Variants in INTS10 observed in about 807,000 individuals in gnomAD.
The protein encoded by INTS10 is integrator complex subunit 10.
Under a neutral mutation model 94.4 loss-of-function variants are expected in INTS10, and 44 were observed. That is an observed-to-expected ratio of 0.47 (90% CI 0.37 to 0.60). INTS10 has a LOEUF of 0.60. Among genes scored for constraint, INTS10 ranks in the 20% least tolerant of loss-of-function variants. The pLI, the probability that INTS10 is intolerant of heterozygous loss-of-function variation, is 0.00. For missense variants in INTS10, 797 were observed against 868.7 expected (o/e 0.92, Z 1.04); for synonymous variants, 341 against 320.7 (o/e 1.06, Z -0.68).
At position 19,817,501 on chromosome 8, in the gene INTS10, G is replaced by T. The variant is rs749248885; in HGVS notation, c.-37G>T. On this transcript the variant is annotated 5_prime_UTR_variant, in exon 1 of 17. Transcript: ENST00000397977. ...CTGAGAGTCCAGAGCCGGACGTTCCGGCCGCTTCGGGCTGGCGGCTGGAGA... is the reference window on the plus strand; with the variant it reads ...CTGAGAGTCCAGAGCCGGACGTTCCTGCCGCTTCGGGCTGGCGGCTGGAGA... 6.3e-7 allele frequency: 1 copy of T among 1,592,590 alleles called. No individual in the cohort carries two copies. Among genetic ancestry groups the T allele is most frequent in the South Asian group, 1.1e-5 (1 of 88,586 alleles).
At chr8:19,850,327 A>G (rs1036911910) in intron 16 of INTS10, among the ~76,000 whole-genome samples, 8 of 152,054 alleles carry the variant, frequency 5.3e-5, no homozygotes, top group South Asian at 2.1e-4. Flanking sequence ...CACCGATGCT[A>G]TGTCCTAACT....
chr8:19,847,510 T>C (rs1053701841), intron 16 of INTS10, among the ~76,000 whole-genome samples: 11 of 152,356 alleles, frequency 7.2e-5, no homozygotes, highest in African/African-American at 2.2e-4. Context: ...TCAAGCTTTT[T>C]AGTTAATTCC....
In INTS10 at chr8:19,823,512, A is replaced by G. The variant is rs576685104; in HGVS notation, c.664+71A>G. The G allele has an allele frequency of 1.0e-4, 106 of 1,034,580 alleles. No individual in the cohort carries two copies. The African/African-American group carries it at 1.4e-3, about 14-fold the overall frequency. 64.1% of individuals were successfully genotyped at this position (1,034,580 alleles called of 1,614,324 possible). ...TATTGCAAAATTCAGAAACCCCTCA[A>G]TGTTCTGATTATTCTCCTCTGGATA... On this transcript the variant is annotated intron_variant, in intron 6 of 16. Coordinates refer to ENST00000397977, the MANE Select transcript of INTS10 (RefSeq NM_018142.4).
chr8:19,823,545 G>A (rs2128758018), intron 6 of INTS10, 104 bp downstream of exon 6: 1 of 813,962 alleles, frequency 1.2e-6, no homozygotes, highest in South Asian at 1.6e-5. Context: ...ATACTTACCA[G>A]TTTGGGAGTG....
chr8:19,848,904 C>T (rs62500064), intron 16 of INTS10: 2 of 210,332 alleles, frequency 9.5e-6, no homozygotes, highest in South Asian at 5.6e-5. Flanking sequence ...TTTTATACCA[C>T]CTCAAAAGGG....
chr8:19,824,159 G>A (rs11786874), intron 7 of INTS10, 115 bp downstream of exon 7: 56,355 of 810,700 alleles, frequency 0.07, 2,064 homozygotes, highest in Non-Finnish European at 0.078. Context: ...GGCAAATTTT[G>A]TGACACTCAA....
chr8:19,820,047 G>C (rs1358534617), intron 3 of INTS10, among the ~76,000 whole-genome samples: 1 of 152,186 alleles, frequency 6.6e-6, no homozygotes, highest in Non-Finnish European at 1.5e-5. Flanking sequence ...TCAAACTCTA[G>C]ATAAAATAGC....
At position 19,826,418 on chromosome 8, in the gene INTS10, G is replaced by C. The variant is rs573814513; in HGVS notation, c.1007-8G>C. The C allele has an allele frequency of 6.2e-7, 1 of 1,603,418 alleles. No homozygotes were observed. Among genetic ancestry groups the C allele is most frequent in the South Asian group, 1.1e-5 (1 of 88,886 alleles). The stretch of plus-strand genomic sequence containing the variant: ...CTGGTAAGTGTTGGTGTTTTTCCCC[G>C]TCCTTAGGTCCTAATGCCCCGAGCC... On this transcript the variant is annotated splice_region_variant and splice_polypyrimidine_tract_variant and intron_variant, in intron 8 of 16. Transcript: ENST00000397977.
intron 9 of INTS10, among the ~76,000 whole-genome samples, chr8:19,827,798 C>T (rs1042233208): frequency 1.3e-5 from 2 of 152,180 alleles, no homozygotes; most frequent in African/African-American, 4.8e-5. Flanking sequence ...GATTATCATT[C>T]TATCCCTGAG....
intron 15 of INTS10, 77 bp from the exon 16 acceptor site, chr8:19,845,627 C>T: frequency 3.0e-6 from 3 of 995,308 alleles, no homozygotes; most frequent in Non-Finnish European, 4.8e-6. Context: ...AGTTACTCAA[C>T]TGCCGAGACC....
At chr8:19,839,861 G>C (rs1260095355) in intron 13 of INTS10, among the ~76,000 whole-genome samples, 2 of 152,006 alleles carry the variant, frequency 1.3e-5, no homozygotes, top group African/African-American at 4.8e-5. Context: ...CCAGGAGTTT[G>C]AGACAAGCCT....
chr8:19,840,381 C>G (rs2068035170), intron 13 of INTS10, among the ~76,000 whole-genome samples: 1 of 152,136 alleles, frequency 6.6e-6, no homozygotes, highest in African/African-American at 2.4e-5. Flanking sequence ...AATGCAATTT[C>G]AAGCAAAATT....
chr8:19,838,523 A>G (rs187699899), intron 13 of INTS10, among the ~76,000 whole-genome samples: 2 of 152,338 alleles, frequency 1.3e-5, no homozygotes, highest in Non-Finnish European at 2.9e-5. Context: ...TTAGGAAGAA[A>G]TAGTGCCAAT....
chr8:19,842,824 C>G, intron 13 of INTS10, 24 bp from the exon 14 acceptor site: 1 of 1,545,796 alleles, frequency 6.5e-7, no homozygotes, highest in Non-Finnish European at 8.9e-7. Context: ...CATACATTAA[C>G]CTAACATTGT....
At chr8:19,836,173 T>A (rs1278111896) in intron 12 of INTS10, among the ~76,000 whole-genome samples, 1 of 146,146 alleles carries the variant, frequency 6.8e-6, no homozygotes, top group African/African-American at 2.5e-5. Flanking sequence ...AATAAATAAA[T>A]AAAAAATTAC....
chr8:19,826,613 A>G, intron 9 of INTS10, 54 bp downstream of exon 9: 1 of 1,528,946 alleles, frequency 6.5e-7, no homozygotes, highest in Non-Finnish European at 8.8e-7. Flanking sequence ...TTTGCTAGAG[A>G]TGAATCTTTG....
chr8:19,836,098 C>T (rs1298279272), intron 12 of INTS10, among the ~76,000 whole-genome samples: 2 of 151,618 alleles, frequency 1.3e-5, no homozygotes, highest in South Asian at 2.1e-4. Context: ...ACCACCAAGG[C>T]ACACATATAT....
Position 19,820,517 on chromosome 8 carries a change from G to A in INTS10, c.440G>A (p.Gly147Glu). ...RRFPETVVQH[G>E]VGLGEALLEA... The stretch of plus-strand genomic sequence containing the variant: ...TTCCCTGAAACGGTGGTGCAGCATG[G>A]GGTGAGATTTGATTCTTCCCCTTCT... The change falls in exon 4 of 17, where the codon GGG becomes GAG. Residue 147 changes from glycine to glutamate, a missense_variant and splice_region_variant. By Grantham distance (98) the Gly-to-Glu change is moderately conservative (BLOSUM62 -2). This residue lies in a region of INTS10 where 734 missense variants were observed against 787.8 expected (regional missense o/e 0.93). Coordinates refer to ENST00000397977, the MANE Select transcript of INTS10 (RefSeq NM_018142.4). The A allele has an allele frequency of 1.9e-6, 3 of 1,606,792 alleles. No homozygotes were observed. The highest frequency in any genetic ancestry group is 2.6e-6 in the Non-Finnish European group (3 of 1,175,518).
rs899774288 is a variant in INTS10, at chr8:19,849,312, C to A, written c.1977-2337C>A. 1 of 675,966 alleles carries A rather than the reference C, an allele frequency of 1.5e-6. No homozygotes were observed. Among genetic ancestry groups the A allele is most frequent in the Non-Finnish European group, 2.2e-6 (1 of 446,856 alleles). The allele number at this position is 675,966 out of a possible 1,614,324, so 41.9% of individuals were successfully genotyped here. ...TGTTCGCTGCCCATGGTTCTCAGCTCTTCGTTCCTCAGTGCTCTTTTTCAT... is the reference window on the plus strand; with the variant it reads ...TGTTCGCTGCCCATGGTTCTCAGCTATTCGTTCCTCAGTGCTCTTTTTCAT... On this transcript the variant is annotated intron_variant, in intron 16 of 16. Transcript: ENST00000397977. The surrounding 1 kb of genome is among the most constrained non-coding windows in gnomAD (Gnocchi z 4.6).
Sources: allele counts gnomAD v4.1 joint callset (sites outside exome capture counted in the v4.1 genomes callset), GRCh38; gene constraint gnomAD v4.1.1; regional missense constraint gnomAD v4.1.1; non-coding constraint Gnocchi (gnomAD v3.1); transcripts MANE v1.5; gene names NCBI Gene and HGNC (gene_info 2026-07-23, HGNC 2026-07-21).